The following SKAP1 variants were observed in gnomAD, a reference collection of about 807,000 sequenced individuals.
SKAP1 encodes the protein src kinase associated phosphoprotein 1, also known as src kinase-associated phosphoprotein 1.
SKAP1 carries 44 observed loss-of-function variants against 58.5 expected under a neutral mutation model. The observed-to-expected ratio is 0.75, with a 90% confidence interval of 0.59 to 0.97. The LOEUF is 0.97. Among genes scored for constraint, SKAP1 ranks in the 50% least tolerant of loss-of-function variants. The pLI is 0.00. For synonymous variants in SKAP1, 127 were observed against 149.7 expected (o/e 0.85, Z 1.11); for missense variants, 390 against 435.2 (o/e 0.90, Z 0.92).
intron 4 of SKAP1, among the ~76,000 whole-genome samples, chr17:48,229,010 C>T (rs1041380570): frequency 2.6e-5 from 4 of 152,020 alleles, no homozygotes; most frequent in African/African-American, 7.3e-5. Context: ...GACCTCTCTG[C>T]CTCTTCTCAG....
At chr17:48,381,527 G>T (rs1200076992) in intron 2 of SKAP1, among the ~76,000 whole-genome samples, 1 of 152,020 alleles carries the variant, frequency 6.6e-6, no homozygotes, top group Non-Finnish European at 1.5e-5. Flanking sequence ...TCCTTCTCTG[G>T]GCTTTTACAG....
rs544269556 is a variant in SKAP1 at position 48,181,899 on chromosome 17, A to C, written c.631+495T>G. Among the ~76,000 whole-genome samples the C allele has an allele frequency of 4.6e-5, 7 of 152,308 alleles. No individual in the cohort carries two copies. In the East Asian group the frequency reaches 1.4e-3, roughly 29 times the overall value. On this transcript the variant is annotated intron_variant, in intron 8 of 12. Coordinates refer to ENST00000336915, the MANE Select transcript of SKAP1 (RefSeq NM_003726.4). ...GCAGGACTCTTCCCATCCCAAAGCAAGGAACATCTTATTGTGGCTTGGGAA... is the reference window on the plus strand; with the variant it reads ...GCAGGACTCTTCCCATCCCAAAGCACGGAACATCTTATTGTGGCTTGGGAA...
At chr17:48,269,125 A>G (rs17621297) in intron 4 of SKAP1, among the ~76,000 whole-genome samples, 31,742 of 151,952 alleles carry the variant, frequency 0.21, 3,316 homozygotes, top group Admixed American at 0.22. Flanking sequence ...TTGGAACAAG[A>G]TCAATTTAGA....
At chr17:48,420,597 T>C (rs1418865440) in intron 1 of SKAP1, among the ~76,000 whole-genome samples, 3 of 152,180 alleles carry the variant, frequency 2.0e-5, no homozygotes, top group African/African-American at 7.2e-5. Flanking sequence ...CAGAAGGGTA[T>C]TTAGGAATAG....
chr17:48,271,510 C>T (rs1008067584), intron 4 of SKAP1, among the ~76,000 whole-genome samples: 17 of 151,570 alleles, frequency 1.1e-4, no homozygotes, highest in African/African-American at 3.6e-4. Context: ...GGGACCACAG[C>T]GTGTGTCACC....
At chr17:48,295,315 A>G (rs996349941) in intron 4 of SKAP1, among the ~76,000 whole-genome samples, 2 of 152,176 alleles carry the variant, frequency 1.3e-5, no homozygotes, top group African/African-American at 4.8e-5. Context: ...ACTTTAAACT[A>G]AAAAGAGAAA....
chr17:48,246,398 C>T (rs986080504), intron 4 of SKAP1, among the ~76,000 whole-genome samples: 3 of 152,184 alleles, frequency 2.0e-5, no homozygotes, highest in East Asian at 3.9e-4. Context: ...GGTATAGCCC[C>T]GTTGCCCTGG....
At chr17:48,367,512 ATGTGTGTG>A (rs2067019166) in intron 2 of SKAP1, among the ~76,000 whole-genome samples, 2 of 144,576 alleles carry the variant, frequency 1.4e-5, no homozygotes, top group Non-Finnish European at 3.0e-5. Flanking sequence ...CACCATGTAT[ATGTGTGTG>A]TATATGTATG....
chr17:48,235,027 G>T (rs1056840404), intron 4 of SKAP1, among the ~76,000 whole-genome samples: 1 of 152,238 alleles, frequency 6.6e-6, no homozygotes, highest in Non-Finnish European at 1.5e-5. Flanking sequence ...TTCCTAGCAT[G>T]AGAATCCTAA....
intron 4 of SKAP1, among the ~76,000 whole-genome samples, chr17:48,207,882 C>T (rs549087572): frequency 1.9e-4 from 29 of 152,286 alleles, no homozygotes; most frequent in South Asian, 2.1e-4. Flanking sequence ...GAACCTTCCA[C>T]GTGGGAGGTT....
At chr17:48,426,117 T>G (rs977422382) in intron 1 of SKAP1, among the ~76,000 whole-genome samples, 2 of 152,294 alleles carry the variant, frequency 1.3e-5, no homozygotes, top group South Asian at 2.1e-4. Flanking sequence ...TTCCCCACAG[T>G]TGGAATTTTA....
intron 4 of SKAP1, among the ~76,000 whole-genome samples, chr17:48,269,506 G>T (rs759867059): frequency 6.6e-6 from 1 of 152,086 alleles, no homozygotes; most frequent in Non-Finnish European, 1.5e-5. Flanking sequence ...CCTGCTATAA[G>T]GTCATATTCT....
intron 1 of SKAP1, among the ~76,000 whole-genome samples, chr17:48,402,393 G>A (rs773783732): frequency 1.6e-4 from 25 of 151,578 alleles, no homozygotes; most frequent in Non-Finnish European, 2.9e-4. Flanking sequence ...GCAGTGGTGC[G>A]ATCTCAGCTC....
chr17:48,417,917 A>G (rs576803764), intron 1 of SKAP1, among the ~76,000 whole-genome samples: 52 of 152,296 alleles, frequency 3.4e-4, no homozygotes, highest in African/African-American at 1.3e-3. Flanking sequence ...GTTTAAATAT[A>G]TATACACATA....
intron 4 of SKAP1, among the ~76,000 whole-genome samples, chr17:48,248,222 A>T (rs2065318800): frequency 6.6e-6 from 1 of 152,168 alleles, no homozygotes; most frequent in African/African-American, 2.4e-5. Context: ...ACTTTTGCCA[A>T]TTCTTCACCA....
intron 4 of SKAP1, among the ~76,000 whole-genome samples, chr17:48,303,063 T>C (rs755385029): frequency 9.5e-4 from 144 of 152,268 alleles, no homozygotes; most frequent in Admixed American, 1.4e-3. Flanking sequence ...AAAAATAATA[T>C]ATAAACAAGT....
At chr17:48,136,777 C>T (rs552694305) in intron 12 of SKAP1, among the ~76,000 whole-genome samples, 11 of 150,254 alleles carry the variant, frequency 7.3e-5, no homozygotes, top group Admixed American at 6.0e-4. Context: ...CGGGTTCAAG[C>T]GATTCTCCCC....
chr17:48,407,192 T>A (rs1026810315), intron 1 of SKAP1, among the ~76,000 whole-genome samples: 2 of 152,132 alleles, frequency 1.3e-5, no homozygotes, highest in African/African-American at 4.8e-5. Context: ...ATGACCAGCA[T>A]CATGGAGTGA....
chr17:48,400,515 A>T (rs1489013350), intron 1 of SKAP1, among the ~76,000 whole-genome samples: 1 of 152,132 alleles, frequency 6.6e-6, no homozygotes, highest in Non-Finnish European at 1.5e-5. Flanking sequence ...TATTCTCAGC[A>T]CTTCGGGAGG....
Sources: allele counts gnomAD v4.1 joint callset (sites outside exome capture counted in the v4.1 genomes callset), GRCh38; gene constraint gnomAD v4.1.1; transcripts MANE v1.5; gene names NCBI Gene and HGNC (gene_info 2026-07-23, HGNC 2026-07-21).